Variants in PHAF1 observed in about 807,000 individuals in gnomAD.
PHAF1 encodes the protein phagosome assembly factor 1.
In PHAF1, 23 loss-of-function variants were observed where a neutral mutation model predicts 63.1. The ratio of observed to expected loss-of-function variants is 0.36; its 90% CI spans 0.26 to 0.52. The LOEUF is 0.52. Among genes scored for constraint, PHAF1 ranks in the 20% least tolerant of loss-of-function variants. The probability of loss-of-function intolerance (pLI) is 0.93; values close to 1 mark genes in which losing one functional copy is unlikely to be tolerated. For missense variants in PHAF1, 427 were observed against 517.2 expected (o/e 0.83, Z 1.69); for synonymous variants, 167 against 185.0 (o/e 0.90, Z 0.79).
At chr16:67,112,703 ACTGT>A (rs1004884101) in intron 1 of PHAF1, among the ~76,000 whole-genome samples, 1 of 152,138 alleles carries the variant, frequency 6.6e-6, no homozygotes, top group Non-Finnish European at 1.5e-5. Flanking sequence ...GTTCTTACAA[ACTGT>A]CTAAATAGCA....
chr16:67,118,355 G>A (rs1173742851), intron 1 of PHAF1, among the ~76,000 whole-genome samples: 1 of 10,350 alleles, frequency 9.7e-5, no homozygotes, highest in African/African-American at 3.1e-4. Flanking sequence ...TTTTTTTTTT[G>A]AGACAGAGTC....
chr16:67,122,401 C>T (rs1002501971), intron 2 of PHAF1, among the ~76,000 whole-genome samples: 8 of 151,954 alleles, frequency 5.3e-5, no homozygotes, highest in African/African-American at 1.7e-4. Flanking sequence ...TTGCTTGAGT[C>T]CAAGAGTTCG....
At chr16:67,145,769 C>CAGTCCTAATG in intron 14 of PHAF1, 141 bp downstream of exon 14, 4 of 867,826 alleles carry the variant, frequency 4.6e-6, no homozygotes, top group Non-Finnish European at 7.0e-6. Flanking sequence ...CTGCCCCACT[C>CAGTCCTAATG]TGCACATTAG....
At chr16:67,120,935 TGA>T (rs906711030) in intron 2 of PHAF1, among the ~76,000 whole-genome samples, 2 of 152,230 alleles carry the variant, frequency 1.3e-5, no homozygotes. Flanking sequence ...GCAAAATTTC[TGA>T]GAGGCTTCTC....
intron 8 of PHAF1, among the ~76,000 whole-genome samples, chr16:67,137,606 A>G (rs1335541161): frequency 6.6e-6 from 1 of 152,172 alleles, no homozygotes; most frequent in Admixed American, 6.5e-5. Flanking sequence ...GGTGTGAGCC[A>G]CCGCACCCAG....
chr16:67,130,062 CTTTT>C lies in PHAF1; in HGVS notation c.232-1223_232-1220del, dbSNP rs563953832. On this transcript the variant is annotated intron_variant, in intron 3 of 15. Coordinates refer to ENST00000219139, the MANE Select transcript of PHAF1 (RefSeq NM_025187.5). The stretch of plus-strand genomic sequence containing the variant: ...AGCTATTTTCTTTCTTTCTTTCTTT[CTTTT>C]GGAGGAGTCTCGCTCTGTCGCCCAG... Among the ~76,000 whole-genome samples the C allele has an allele frequency of 6.1e-3, 925 of 152,218 alleles. 11 individuals carry two copies. The highest frequency in any genetic ancestry group is 0.011 in the Non-Finnish European group (736 of 68,008).
intron 1 of PHAF1, among the ~76,000 whole-genome samples, chr16:67,112,209 G>T (rs915692496): frequency 1.3e-5 from 2 of 151,982 alleles, no homozygotes; most frequent in Non-Finnish European, 2.9e-5. Context: ...CTAGGTTGTG[G>T]ATCTCTTGGT....
chr16:67,126,595 G>GTTTTTTTT (rs60445297), intron 3 of PHAF1, among the ~76,000 whole-genome samples: 3 of 134,206 alleles, frequency 2.2e-5, no homozygotes, highest in African/African-American at 8.4e-5. Context: ...TTTGTTTTTG[G>GTTTTTTTT]TTTTTTTTTT....
At chr16:67,145,814 TAGAGAG>T (rs528591562) in intron 14 of PHAF1, among the ~76,000 whole-genome samples, 186 bp downstream of exon 14, 201 of 152,336 alleles carry the variant, frequency 1.3e-3, no homozygotes, top group African/African-American at 4.6e-3. Flanking sequence ...TCATCTTTGA[TAGAGAG>T]AATGTCCCCA....
At chr16:67,129,567 T>G (rs748127474) in intron 3 of PHAF1, among the ~76,000 whole-genome samples, 15 of 152,254 alleles carry the variant, frequency 9.9e-5, no homozygotes, top group Non-Finnish European at 1.9e-4. Flanking sequence ...TGTTCCTGCA[T>G]ACAATGCCCC....
intron 1 of PHAF1, among the ~76,000 whole-genome samples, chr16:67,112,589 C>A (rs1407475157): frequency 4.0e-5 from 6 of 151,754 alleles, no homozygotes; most frequent in Non-Finnish European, 2.9e-5. Flanking sequence ...ATGAGGATTT[C>A]CAGAAAACTG....
At chr16:67,120,823 C>T (rs1012823418) in intron 2 of PHAF1, among the ~76,000 whole-genome samples, 2 of 151,860 alleles carry the variant, frequency 1.3e-5, no homozygotes, top group African/African-American at 4.8e-5. Flanking sequence ...TTTCTGAGAC[C>T]CTTTGAGTAC....
At chr16:67,131,423 A>G in intron 4 of PHAF1, 94 bp downstream of exon 4, 1 of 955,922 alleles carries the variant, frequency 1.0e-6, no homozygotes, top group Non-Finnish European at 1.6e-6. Context: ...CATCTGTCAC[A>G]GATGTGAATT....
At chr16:67,118,398 G>A (rs535523784) in intron 1 of PHAF1, among the ~76,000 whole-genome samples, 5 of 142,074 alleles carry the variant, frequency 3.5e-5, no homozygotes, top group African/African-American at 1.3e-4. Flanking sequence ...GTGCAGTGGC[G>A]CTATCTCGGT....
At chr16:67,129,754 A>C (rs1963320466) in intron 3 of PHAF1, among the ~76,000 whole-genome samples, 2 of 152,238 alleles carry the variant, frequency 1.3e-5, no homozygotes, top group African/African-American at 4.8e-5. Flanking sequence ...GGAGGACTTC[A>C]TAGTGCTTAT....
chr16:67,132,722 G>A (rs1963453301), intron 5 of PHAF1, 95 bp from the exon 6 acceptor site: 2 of 1,235,092 alleles, frequency 1.6e-6, no homozygotes, highest in Middle Eastern at 1.9e-4. Flanking sequence ...CACAGGGAAG[G>A]TGTTGTCAGT....
chr16:67,123,571 T>G (rs970592056), intron 2 of PHAF1, among the ~76,000 whole-genome samples: 1 of 152,018 alleles, frequency 6.6e-6, no homozygotes, highest in African/African-American at 2.4e-5. Context: ...AGACTCCATC[T>G]CAAAAAAAAT....
intron 14 of PHAF1, 65 bp downstream of exon 14, chr16:67,145,693 A>G: frequency 6.5e-7 from 1 of 1,531,942 alleles, no homozygotes; most frequent in Non-Finnish European, 8.9e-7. Context: ...AAGCCCAGGG[A>G]AGCCTGGCAC....
chr16:67,125,688 G>A (rs1963161060), intron 2 of PHAF1, among the ~76,000 whole-genome samples: 1 of 152,118 alleles, frequency 6.6e-6, no homozygotes, highest in South Asian at 2.1e-4. Flanking sequence ...ATATAACTTT[G>A]TCCCTTTTCC....
Sources: allele counts gnomAD v4.1 joint callset (sites outside exome capture counted in the v4.1 genomes callset), GRCh38; gene constraint gnomAD v4.1.1; transcripts MANE v1.5; gene names NCBI Gene and HGNC (gene_info 2026-07-23, HGNC 2026-07-21).